TAB2: variants seen among roughly 807,000 people sequenced by gnomAD.
The protein encoded by TAB2 is TGF-beta activated kinase 1 (MAP3K7) binding protein 2, also known as TGF-beta-activated kinase 1 and MAP3K7-binding protein 2.
TAB2 carries 3 observed loss-of-function variants against 65.0 expected under a neutral mutation model. That is an observed-to-expected ratio of 0.05 (90% confidence interval 0.02 to 0.12). TAB2 has a LOEUF of 0.12. Ranked by LOEUF, TAB2 falls within the 10% of genes least tolerant of loss-of-function variation. The pLI is 1.00. For missense variants in TAB2, 623 were observed against 840.3 expected, an observed-to-expected ratio of 0.74 and a Z score of 3.20; for synonymous variants, 298 against 285.1, an observed-to-expected ratio of 1.05 and a Z score of -0.46.
At chr6:149,260,060 T>C (rs1778120367) in intron 1 of TAB2, among the ~76,000 whole-genome samples, 1 of 152,202 alleles carries the variant, frequency 6.6e-6, no homozygotes, top group Non-Finnish European at 1.5e-5. Context: ...AGTACCAAGA[T>C]GGCTTTCAAA....
chr6:149,265,166 G>A (rs114964912), intron 1 of TAB2, among the ~76,000 whole-genome samples: 17 of 148,544 alleles, frequency 1.1e-4, no homozygotes, highest in African/African-American at 2.7e-4. Context: ...AAAAAAATGC[G>A]TTTTAAATGA....
At chr6:149,307,078 A>G (rs1036288119) in intron 1 of TAB2, among the ~76,000 whole-genome samples, 1 of 152,234 alleles carries the variant, frequency 6.6e-6, no homozygotes, top group African/African-American at 2.4e-5. Flanking sequence ...CTCCAGCCCC[A>G]AGATCTGGGG....
intron 1 of TAB2, among the ~76,000 whole-genome samples, chr6:149,349,150 A>C (rs1255118546): frequency 6.6e-6 from 1 of 152,018 alleles, no homozygotes; most frequent in Non-Finnish European, 1.5e-5. Flanking sequence ...GCTGGGCGCC[A>C]TGTCTCACGC....
chr6:149,299,579 A>T (rs1351723440), intron 1 of TAB2, among the ~76,000 whole-genome samples: 1 of 152,236 alleles, frequency 6.6e-6, no homozygotes, highest in Admixed American at 6.5e-5. Context: ...GTCAAAAAAT[A>T]ATAACAATAA....
At chr6:149,389,065 C>T (rs918997022) in intron 3 of TAB2, among the ~76,000 whole-genome samples, 10 of 151,608 alleles carry the variant, frequency 6.6e-5, no homozygotes, top group Admixed American at 1.3e-4. Flanking sequence ...AAGCAATTCC[C>T]CTGCCTCAGC....
chr6:149,299,501 G>A (rs915790006), intron 1 of TAB2, among the ~76,000 whole-genome samples: 4 of 152,202 alleles, frequency 2.6e-5, no homozygotes, highest in Admixed American at 2.0e-4. Context: ...GAACCCAGGA[G>A]GGGGAGGCTG....
chr6:149,249,153 T>C (rs9390662), intron 1 of TAB2, among the ~76,000 whole-genome samples: 112 of 112,746 alleles, frequency 9.9e-4, no homozygotes, highest in East Asian at 2.9e-3. Flanking sequence ...CACACACACA[T>C]ACACACACAC....
At chr6:149,291,294 A>G (rs1233056213) in intron 1 of TAB2, 1 of 152,250 alleles carries the variant, frequency 6.6e-6, no homozygotes, top group Non-Finnish European at 1.5e-5. Flanking sequence ...TTGATTATTC[A>G]GAAAACACTT....
chr6:149,286,353 G>A (rs1487103501), intron 1 of TAB2, among the ~76,000 whole-genome samples: 2 of 152,086 alleles, frequency 1.3e-5, no homozygotes, highest in Non-Finnish European at 2.9e-5. Context: ...TCTTTTTATG[G>A]TAATTTAATT....
intron 1 of TAB2, among the ~76,000 whole-genome samples, chr6:149,343,935 A>C (rs886088474): frequency 2.0e-4 from 31 of 152,224 alleles, no homozygotes; most frequent in Non-Finnish European, 3.5e-4. Context: ...CCGAAAACTG[A>C]AGAGGAATTT....
upstream of TAB2, among the ~76,000 whole-genome samples, chr6:149,316,934 G>A (rs1171141473): frequency 2.0e-5 from 3 of 151,874 alleles, no homozygotes; most frequent in Non-Finnish European, 2.9e-5. Context: ...CCCGTTAGCC[G>A]GCGGTGCGAT....
chr6:149,345,343 A>C (rs1412138626), intron 1 of TAB2, among the ~76,000 whole-genome samples: 1 of 152,140 alleles, frequency 6.6e-6, no homozygotes, highest in Non-Finnish European at 1.5e-5. Context: ...CATCCTGATA[A>C]TTGGTCAGTG....
At chr6:149,358,640 C>CTGTGTGTG (rs370116039) in intron 1 of TAB2, among the ~76,000 whole-genome samples, 2,825 of 121,720 alleles carry the variant, frequency 0.023, 84 homozygotes, top group African/African-American at 0.059. Context: ...CTTCAGAACT[C>CTGTGTGTG]TGTGTGTGTG....
intron 1 of TAB2, among the ~76,000 whole-genome samples, chr6:149,360,866 G>A (rs1780822456): frequency 6.6e-6 from 1 of 152,150 alleles, no homozygotes; most frequent in African/African-American, 2.4e-5. Flanking sequence ...GGAGAAATTG[G>A]CCAAAAGAAA....
intron 1 of TAB2, among the ~76,000 whole-genome samples, chr6:149,248,455 AGAAG>A (rs1003101890): frequency 1.8e-5 from 1 of 56,584 alleles, no homozygotes; most frequent in African/African-American, 6.4e-5. Flanking sequence ...AAGGAAGAAA[AGAAG>A]GAAGGAAGGA....
intron 1 of TAB2, among the ~76,000 whole-genome samples, chr6:149,286,831 A>G (rs1778684498): frequency 6.6e-6 from 1 of 152,118 alleles, no homozygotes; most frequent in Admixed American, 6.6e-5. Context: ...AAATTTAGAT[A>G]TTGGCTGGGC....
chr6:149,302,803 AG>A (rs1368644531), intron 1 of TAB2, among the ~76,000 whole-genome samples: 4 of 152,188 alleles, frequency 2.6e-5, no homozygotes, highest in African/African-American at 4.8e-5. Context: ...TCTTATCAGC[AG>A]GGTCCCCAAC....
intron 1 of TAB2, among the ~76,000 whole-genome samples, chr6:149,271,148 C>A (rs1202145957): frequency 6.6e-6 from 1 of 151,948 alleles, no homozygotes. Flanking sequence ...TTAGAGGCTG[C>A]AGTGAGCTAT....
chr6:149,334,434 T>A (rs190759863), intron 1 of TAB2, among the ~76,000 whole-genome samples: 1 of 152,016 alleles, frequency 6.6e-6, no homozygotes. Flanking sequence ...AATACTAGAG[T>A]CTTGAGAGGT....
Sources: gnomAD v4.1 joint callset for allele counts (sites outside exome capture counted in the v4.1 genomes callset) on GRCh38, gnomAD v4.1.1 for gene constraint, MANE v1.5 for transcripts, NCBI Gene and HGNC (gene_info 2026-07-23, HGNC 2026-07-21) for gene names.